Variants in ADAMTS20 observed in about 807,000 individuals in gnomAD.
The protein encoded by ADAMTS20 is ADAM metallopeptidase with thrombospondin type 1 motif 20, also known as A disintegrin and metalloproteinase with thrombospondin motifs 20.
In ADAMTS20, 225 loss-of-function variants were observed where a neutral mutation model predicts 260.1. The ratio of observed to expected loss-of-function variants is 0.87; its 90% CI spans 0.78 to 0.97. The LOEUF is 0.97. Ranked by LOEUF, ADAMTS20 falls within the 50% of genes least tolerant of loss-of-function variation. ADAMTS20 has a pLI of 0.00. For synonymous variants in ADAMTS20, 802 were observed against 769.5 expected (o/e 1.04, Z -0.70); for missense variants, 2,400 against 2,337.7 (o/e 1.03, Z -0.55).
At chr12:43,465,155 T>C (rs958681568) in intron 9 of ADAMTS20, among the ~76,000 whole-genome samples, 2 of 152,054 alleles carry the variant, frequency 1.3e-5, no homozygotes, top group African/African-American at 4.8e-5. Flanking sequence ...AAAGTATATT[T>C]CTAGTCCTAA....
rs531323853 is a variant in ADAMTS20 at position 43,551,646 on chromosome 12, C to T, written c.91+185G>A. On this transcript the variant is annotated intron_variant, in intron 1 of 38. Coordinates refer to ENST00000389420, the MANE Select transcript of ADAMTS20 (RefSeq NM_025003.5). The surrounding 1 kb of genome is among the most constrained non-coding windows in gnomAD (Gnocchi z 4.6). ...TCCTGGGAGTGCGATGCGTCTTAGG[C>T]GCGCGCGATTCCTCGAAACCCGGCG... Among the ~76,000 whole-genome samples the T allele has an allele frequency of 3.3e-4, 50 of 152,332 alleles. No homozygotes were observed. Among genetic ancestry groups the T allele is most frequent in the African/African-American group, 1.1e-3 (45 of 41,590 alleles).
At chr12:43,535,034 C>A (rs1943275262) in intron 2 of ADAMTS20, among the ~76,000 whole-genome samples, 1 of 152,114 alleles carries the variant, frequency 6.6e-6, no homozygotes, top group Non-Finnish European at 1.5e-5. Context: ...AACAACCACC[C>A]AGAAAGTTTT....
At chr12:43,447,825 C>T (rs61926761) in intron 14 of ADAMTS20, among the ~76,000 whole-genome samples, 18,340 of 152,056 alleles carry the variant, frequency 0.12, 1,256 homozygotes, top group Admixed American at 0.22. Context: ...ACAAAACTTA[C>T]TACCATTCCT....
At chr12:43,496,932 C>T (rs763791838) in intron 4 of ADAMTS20, among the ~76,000 whole-genome samples, 18 of 152,228 alleles carry the variant, frequency 1.2e-4, no homozygotes, top group East Asian at 5.8e-4. Flanking sequence ...CTTAGCCCCC[C>T]GACCATGGAG....
At chr12:43,521,827 C>T (rs1943076045) in intron 3 of ADAMTS20, among the ~76,000 whole-genome samples, 1 of 152,098 alleles carries the variant, frequency 6.6e-6, no homozygotes, top group African/African-American at 2.4e-5. Flanking sequence ...CCTTACTCTC[C>T]TGATATAGTA....
In ADAMTS20 at chr12:43,429,624, C is replaced by G; in HGVS notation, c.3482G>C (p.Trp1161Ser). Residue 1161 changes from tryptophan (W) to serine (S), a missense_variant, in exon 24 of 39, where the codon TGG (tryptophan) becomes TCG (serine). Trp to Ser is a radical substitution (Grantham distance 177). Transcript: ENST00000389420. ...KKMAQWRHGSWTPCSVSCGRG... is the reference protein window; with the variant it reads ...KKMAQWRHGSSTPCSVSCGRG... The stretch of plus-strand genomic sequence containing the variant: ...TTAAAGAAATTCACTTACTGGGGTC[C>G]AAGAACCATGTCGCCATTGTGCCAT... 6.3e-7 allele frequency: 1 copy of G among 1,591,088 alleles called. No homozygotes were observed. Among genetic ancestry groups the G allele is most frequent in the South Asian group, 1.1e-5 (1 of 87,062 alleles).
intron 7 of ADAMTS20, among the ~76,000 whole-genome samples, chr12:43,472,766 C>T (rs1942287032): frequency 6.6e-6 from 1 of 151,574 alleles, no homozygotes. Context: ...AAATAAAATA[C>T]TTTACAAACA....
intron 3 of ADAMTS20, among the ~76,000 whole-genome samples, chr12:43,504,532 C>T (rs114520220): frequency 0.015 from 2,288 of 152,176 alleles, 52 homozygotes; most frequent in African/African-American, 0.051. Context: ...GACTTGGTCA[C>T]TAAAATATCC....
chr12:43,415,699 A>C (rs552159002), intron 28 of ADAMTS20, among the ~76,000 whole-genome samples: 8 of 152,232 alleles, frequency 5.3e-5, no homozygotes, highest in Non-Finnish European at 1.0e-4. Flanking sequence ...AACAGGAGTC[A>C]AACTGAGGCA....
intron 8 of ADAMTS20, among the ~76,000 whole-genome samples, chr12:43,467,062 A>G (rs10880501): frequency 0.086 from 13,061 of 152,006 alleles, 999 homozygotes; most frequent in East Asian, 0.46. Context: ...CACAATATGG[A>G]CCACAGCATT....
rs1470633140 is a variant in ADAMTS20, at chr12:43,365,852, T to C, written c.5538+3438A>G. On this transcript the variant is annotated intron_variant, in intron 37 of 38. Transcript: ENST00000389420. ...GTAAAGTACATTCTGATAAGATATA[T>C]ATTGTAAGCCTTTGAATAACCACTA... Among the ~76,000 whole-genome samples, 11 of 151,890 alleles carry C rather than the reference T, an allele frequency of 7.2e-5. No individual in the cohort carries two copies. In the East Asian group the frequency reaches 2.1e-3, roughly 29 times the overall value.
At chr12:43,469,317 AATC>A (rs1340183641) in intron 7 of ADAMTS20, among the ~76,000 whole-genome samples, 43 of 152,278 alleles carry the variant, frequency 2.8e-4, no homozygotes, top group Non-Finnish European at 5.3e-4. Context: ...ATGTATTGCA[AATC>A]AGGATATATT....
intron 7 of ADAMTS20, among the ~76,000 whole-genome samples, chr12:43,486,240 A>G (rs1289765276): frequency 6.6e-6 from 1 of 152,186 alleles, no homozygotes; most frequent in Non-Finnish European, 1.5e-5. Context: ...ACATAGATCA[A>G]TGGAACAGAA....
chr12:43,461,206 G>T (rs1352464866), intron 11 of ADAMTS20, among the ~76,000 whole-genome samples: 1 of 151,004 alleles, frequency 6.6e-6, no homozygotes, highest in Non-Finnish European at 1.5e-5. Context: ...GGCCCGGCTG[G>T]TCTTGAACTC....
rs1940050410 is a variant in ADAMTS20, at chr12:43,369,225, T to C, written c.5538+65A>G. The C allele has an allele frequency of 2.7e-5, 27 of 1,005,394 alleles. No homozygotes were observed. In the South Asian group the frequency reaches 6.2e-4, roughly 23 times the overall value. The allele number at this position is 1,005,394 out of a possible 1,614,324, so 62.3% of individuals were successfully genotyped here. ...TCTTGCAATATTCTGGTTAAAAAAATGAATGAAGAGAAGCTATAATTTTTT... is the reference window on the plus strand; with the variant it reads ...TCTTGCAATATTCTGGTTAAAAAAACGAATGAAGAGAAGCTATAATTTTTT... On this transcript the variant is annotated intron_variant, in intron 37 of 38. Transcript: ENST00000389420.
At chr12:43,401,642 C>A (rs542881071) in intron 28 of ADAMTS20, among the ~76,000 whole-genome samples, 1 of 151,732 alleles carries the variant, frequency 6.6e-6, no homozygotes, top group African/African-American at 2.4e-5. Context: ...TAACTTATTA[C>A]TAGTCTAATC....
In ADAMTS20 at chr12:43,430,421, G is replaced by A; in HGVS notation, c.3312C>T (p.Val1104=). 1 of 1,613,032 alleles carries A rather than the reference G, an allele frequency of 6.2e-7. No homozygotes were observed. Among genetic ancestry groups the A allele is most frequent in the Non-Finnish European group, 8.5e-7 (1 of 1,179,446 alleles). ...HGYQMRDVKC[V]NELASAVLED... ...CTAACACTGCACTAGCTAGCTCATT[G>A]ACACATTTAACATCTCGCATCTGAT... Residue 1104 remains valine (V), a synonymous_variant, in exon 23 of 39, where the codon GTC becomes GTT. Coordinates refer to ENST00000389420, the MANE Select transcript of ADAMTS20 (RefSeq NM_025003.5).
chr12:43,433,840 G>A (rs950339895), intron 19 of ADAMTS20: 4 of 451,384 alleles, frequency 8.9e-6, no homozygotes, highest in Admixed American at 2.5e-5. Context: ...CTGATAGAAT[G>A]TCAAGGAAAT....
intron 2 of ADAMTS20, among the ~76,000 whole-genome samples, chr12:43,537,055 T>G (rs1943305095): frequency 1.3e-5 from 2 of 149,972 alleles, no homozygotes; most frequent in Admixed American, 6.6e-5. Context: ...AAGCATATTT[T>G]ATTTTATTTT....
Sources: gnomAD v4.1 joint callset for allele counts (sites outside exome capture counted in the v4.1 genomes callset) on GRCh38, gnomAD v4.1.1 for gene constraint, Gnocchi (gnomAD v3.1) non-coding constraint, MANE v1.5 for transcripts, NCBI Gene and HGNC (gene_info 2026-07-23, HGNC 2026-07-21) for gene names.